Variants in INO80 observed in about 807,000 individuals in gnomAD.
INO80 encodes the protein chromatin-remodeling ATPase INO80.
Under a neutral mutation model 203.4 loss-of-function variants are expected in INO80, and 20 were observed. The ratio of observed to expected loss-of-function variants is 0.10; its 90% confidence interval spans 0.07 to 0.14. INO80 has a LOEUF of 0.14. Ranked by LOEUF, INO80 falls within the 10% of genes least tolerant of loss-of-function variation. The probability of loss-of-function intolerance (pLI) is 1.00; values close to 1 mark genes in which losing one functional copy is unlikely to be tolerated. For missense variants in INO80, 1,419 were observed against 1,914.4 expected, an observed-to-expected ratio of 0.74 and a Z score of 4.83; for synonymous variants, 726 against 685.2, an observed-to-expected ratio of 1.06 and a Z score of -0.93.
At chr15:40,985,482 ACT>A (rs1254397777) in intron 31 of INO80, 56 bp from the exon 32 acceptor site, 4 of 1,270,278 alleles carry the variant, frequency 3.1e-6, no homozygotes, top group East Asian at 2.3e-5. Context: ...CATAATCCTC[ACT>A]CTCTTAATTA....
At chr15:41,016,544 T>C (rs758587895) in intron 26 of INO80, among the ~76,000 whole-genome samples, 2 of 152,250 alleles carry the variant, frequency 1.3e-5, no homozygotes, top group African/African-American at 4.8e-5. Context: ...GTGACATCTA[T>C]GTCAATCTGC....
chr15:41,013,103 C>CAA (rs10625964), intron 27 of INO80: 137,308 of 151,734 alleles, frequency 0.9, 62,679 homozygotes, highest in East Asian at 0.99. Flanking sequence ...ACAACAACAA[C>CAA]CACCACAACA....
At chr15:40,983,326 C>A in intron 34 of INO80, 1 of 499,992 alleles carries the variant, frequency 2.0e-6, no homozygotes, top group East Asian at 3.7e-5. Flanking sequence ...TTACATTACT[C>A]CTGAGTTTCC....
intron 28 of INO80, among the ~76,000 whole-genome samples, chr15:41,000,706 CAAAA>C (rs58232890): frequency 1.1e-4 from 6 of 56,826 alleles, no homozygotes; most frequent in South Asian, 8.0e-4. Context: ...CACCCTGTCT[CAAAA>C]AAAAAAAAAA....
chr15:41,089,489 C>A (rs981665282), intron 5 of INO80, among the ~76,000 whole-genome samples: 2 of 152,074 alleles, frequency 1.3e-5, no homozygotes, highest in Non-Finnish European at 2.9e-5. Flanking sequence ...GGGTGGCTCA[C>A]CCCTGTAATC....
chr15:41,026,562 A>T (rs779599534), intron 25 of INO80, among the ~76,000 whole-genome samples: 1 of 151,384 alleles, frequency 6.6e-6, no homozygotes, highest in East Asian at 1.9e-4. Flanking sequence ...CAAAAGCATT[A>T]AAAAAAACAA....
At chr15:41,010,768 T>C (rs529227750) in intron 27 of INO80, among the ~76,000 whole-genome samples, 2 of 152,358 alleles carry the variant, frequency 1.3e-5, no homozygotes, top group East Asian at 3.8e-4. Flanking sequence ...ATTCTGAAAC[T>C]TCTATTCCAA....
chr15:41,021,934 T>C, intron 25 of INO80, among the ~76,000 whole-genome samples: 1 of 152,258 alleles, frequency 6.6e-6, no homozygotes, highest in East Asian at 1.9e-4. Flanking sequence ...AGTATTCAGA[T>C]ACCTGTGAAG....
chr15:41,102,597 G>C (rs1026916591), intron 1 of INO80, among the ~76,000 whole-genome samples: 13 of 152,212 alleles, frequency 8.5e-5, no homozygotes, highest in Admixed American at 8.5e-4. Flanking sequence ...TTGAACCTGG[G>C]AGGCGGAGGT....
intron 14 of INO80, among the ~76,000 whole-genome samples, chr15:41,066,218 C>A (rs1157920409): frequency 6.6e-6 from 1 of 151,858 alleles, no homozygotes; most frequent in Non-Finnish European, 1.5e-5. Flanking sequence ...CCTCAGGTGA[C>A]CCCCCTGCCT....
chr15:41,087,923 T>C (rs1450888161), intron 5 of INO80, among the ~76,000 whole-genome samples: 1 of 152,110 alleles, frequency 6.6e-6, no homozygotes, highest in Non-Finnish European at 1.5e-5. Flanking sequence ...AAACTCTTCA[T>C]GCTTCTGAAT....
chr15:41,041,169 C>G lies in INO80; in HGVS notation c.2907+3735G>C, dbSNP rs148828761. 3.1e-4 allele frequency among the ~76,000 whole-genome samples: 47 copies of G among 152,204 alleles called. No homozygotes were observed. In the East Asian group the frequency reaches 8.3e-3, roughly 27 times the overall value. On this transcript the variant is annotated intron_variant, in intron 24 of 35. Transcript: ENST00000648947. ...GTAGCCTCAACCTCCTGGGCTCAGG[C>G]GATCCTTCCACCTCAGCCTTCCAAT...
At chr15:41,070,744 T>C (rs1351792251) in intron 12 of INO80, among the ~76,000 whole-genome samples, 197 bp from the exon 13 acceptor site, 2 of 152,172 alleles carry the variant, frequency 1.3e-5, no homozygotes, top group African/African-American at 2.4e-5. Context: ...CCATGATACA[T>C]GAGACAGGGC....
chr15:41,051,750 C>T (rs571771874), intron 19 of INO80, among the ~76,000 whole-genome samples: 2 of 152,090 alleles, frequency 1.3e-5, no homozygotes, highest in East Asian at 1.9e-4. Context: ...GTCAAGAGAT[C>T]GAGACCATCC....
chr15:41,098,093 G>C (rs145124006), intron 1 of INO80, among the ~76,000 whole-genome samples: 1 of 151,874 alleles, frequency 6.6e-6, no homozygotes, highest in Admixed American at 6.6e-5. Context: ...CTTGTGATCC[G>C]CCTGTCTCAG....
At chr15:40,992,678 C>A (rs1356493312) in intron 29 of INO80, among the ~76,000 whole-genome samples, 1 of 152,234 alleles carries the variant, frequency 6.6e-6, no homozygotes, top group African/African-American at 2.4e-5. Flanking sequence ...ATCTTGCTGT[C>A]TCATTTTTCT....
At chr15:41,046,016 AG>A (rs2044752184) in intron 23 of INO80, among the ~76,000 whole-genome samples, 1 of 151,790 alleles carries the variant, frequency 6.6e-6, no homozygotes, top group South Asian at 2.1e-4. Context: ...TAAACTTCCC[AG>A]AACACTTGAG....
rs571980900 is a variant in INO80, at chr15:41,044,983, T to G, written c.2828A>C (p.Tyr943Ser). ...GAPEGESHQR[Y>S]LRNKDFLLGV... ...AAGAAGGAAATCCTTGTTCCTCAGG[T>G]ATCTCTGGTGGCTCTCCCCTTCTGG... The change falls in exon 24 of 36, where the codon TAC becomes TCC. Residue 943 changes from tyrosine to serine, a missense_variant. Tyr to Ser is a moderately radical substitution (Grantham distance 144, BLOSUM62 -2). Coordinates refer to ENST00000648947, the MANE Select transcript of INO80 (RefSeq NM_017553.3). The G allele has an allele frequency of 6.2e-7, 1 of 1,614,070 alleles. No individual in the cohort carries two copies. The highest frequency in any genetic ancestry group is 8.5e-7 in the Non-Finnish European group (1 of 1,179,974).
chr15:41,085,985 G>A (rs1391208105), intron 6 of INO80, among the ~76,000 whole-genome samples: 3 of 151,950 alleles, frequency 2.0e-5, no homozygotes, highest in South Asian at 2.1e-4. Flanking sequence ...TCAGCCTCCC[G>A]AGTAGCTGGG....
Sources: gnomAD v4.1 joint callset for allele counts (sites outside exome capture counted in the v4.1 genomes callset) on GRCh38, gnomAD v4.1.1 for gene constraint, MANE v1.5 for transcripts, NCBI Gene and HGNC (gene_info 2026-07-23, HGNC 2026-07-21) for gene names.